The following RBFOX1 variants were observed in gnomAD, a reference collection of about 807,000 sequenced individuals.
RBFOX1 encodes the protein RNA binding protein fox-1 homolog 1.
In RBFOX1, 8 loss-of-function variants were observed where a neutral mutation model predicts 57.7. The ratio of observed to expected loss-of-function variants is 0.14; its 90% CI spans 0.08 to 0.25. The LOEUF (loss-of-function observed/expected upper bound fraction) is 0.25. Among genes scored for constraint, RBFOX1 ranks in the 10% least tolerant of loss-of-function variants. The pLI, the probability that RBFOX1 is intolerant of heterozygous loss-of-function variation, is 1.00. For missense variants in RBFOX1, 611 were observed against 548.5 expected, an observed-to-expected ratio of 1.11 and a Z score of -1.14; for synonymous variants, 326 against 222.4, an observed-to-expected ratio of 1.47 and a Z score of -4.15.
rs954735436 is a variant in RBFOX1 at position 7,064,138 on chromosome 16, C to T, written c.27+12040C>T. Among the ~76,000 whole-genome samples the T allele has an allele frequency of 2.0e-5, 3 of 149,870 alleles. No individual in the cohort carries two copies. In the South Asian group the frequency reaches 6.4e-4, roughly 32 times the overall value. On this transcript the variant is annotated intron_variant, in intron 4 of 15. Coordinates refer to ENST00000550418, the MANE Select transcript of RBFOX1 (RefSeq NM_018723.4). ...ATAAAATGAGTCCATAAGCGTGGGC[C>T]CTAATCCAGTATGACTGGTGTTCTT...
intron 3 of RBFOX1, among the ~76,000 whole-genome samples, chr16:7,040,867 G>C (rs1049674042): frequency 6.6e-6 from 1 of 152,032 alleles, no homozygotes; most frequent in Non-Finnish European, 1.5e-5. Flanking sequence ...ACAGCTCACT[G>C]CGTGATTCTG....
At chr16:7,688,303 G>C (rs1481044633) in intron 14 of RBFOX1, among the ~76,000 whole-genome samples, 1 of 150,096 alleles carries the variant, frequency 6.7e-6, no homozygotes, top group Non-Finnish European at 1.5e-5. Flanking sequence ...TCATAGCATT[G>C]GATACAAGAA....
At chr16:7,004,131 T>A (rs1337756683) in intron 3 of RBFOX1, 1 of 152,116 alleles carries the variant, frequency 6.6e-6, no homozygotes, top group Non-Finnish European at 1.5e-5. Context: ...AGTTTTGTTT[T>A]GTACTTAATA....
chr16:7,291,889 T>C (rs1267499220), intron 4 of RBFOX1, among the ~76,000 whole-genome samples: 2 of 83,198 alleles, frequency 2.4e-5, no homozygotes, highest in Non-Finnish European at 4.9e-5. Flanking sequence ...ATAAAATATA[T>C]AATGTACTAT....
chr16:5,990,200 CT>C (rs1463166712), intron 4 of RBFOX1, among the ~76,000 whole-genome samples: 10 of 152,192 alleles, frequency 6.6e-5, no homozygotes, highest in African/African-American at 2.4e-4. Context: ...GTGGCTCAGG[CT>C]GGTTTGGAAC....
chr16:7,654,097 G>T, intron 12 of RBFOX1, 150 bp downstream of exon 12: 1 of 769,650 alleles, frequency 1.3e-6, no homozygotes, highest in South Asian at 1.9e-5. Context: ...CGCACCTGCA[G>T]TGGAGCACCT....
chr16:7,314,557 T>G (rs2096395019), intron 4 of RBFOX1, among the ~76,000 whole-genome samples: 1 of 152,228 alleles, frequency 6.6e-6, no homozygotes, highest in South Asian at 2.1e-4. Context: ...GCGATCTGTC[T>G]TAGGTGTTTC....
chr16:7,204,516 T>G (rs1215590500), intron 4 of RBFOX1, among the ~76,000 whole-genome samples: 1 of 152,144 alleles, frequency 6.6e-6, no homozygotes, highest in Non-Finnish European at 1.5e-5. Flanking sequence ...CATGGTGATA[T>G]GCACCTGTAG....
chr16:6,962,731 G>A (rs1045636024), intron 3 of RBFOX1, among the ~76,000 whole-genome samples: 4 of 152,136 alleles, frequency 2.6e-5, no homozygotes, highest in African/African-American at 7.2e-5. Flanking sequence ...AGGAGCAGTA[G>A]CATGTGTGTG....
At chr16:7,559,396 A>G (rs1375403421) in intron 5 of RBFOX1, among the ~76,000 whole-genome samples, 2 of 152,120 alleles carry the variant, frequency 1.3e-5, no homozygotes, top group African/African-American at 4.8e-5. Context: ...CACATCTGAG[A>G]TCCATAAGGA....
chr16:6,159,695 T>C (rs7186032), intron 1 of RBFOX1, among the ~76,000 whole-genome samples: 9,224 of 152,298 alleles, frequency 0.061, 520 homozygotes, highest in African/African-American at 0.14. Context: ...GTACAGTGAA[T>C]GTGCTCTTAA....
intron 2 of RBFOX1, among the ~76,000 whole-genome samples, chr16:6,432,917 G>T (rs566460292): frequency 6.6e-6 from 1 of 152,182 alleles, no homozygotes; most frequent in Non-Finnish European, 1.5e-5. Context: ...GGTGGATGTT[G>T]CACTGAGCCG....
rs188072348 is a variant in RBFOX1, at chr16:5,781,990, G to C, written c.319-85313G>C. ...GGAGGCCGAGGTGGGCGGATTACTT[G>C]AGGTCAGGAGTTCAAGACCAGCCTG... is the stretch of plus-strand genomic sequence containing the variant. On this transcript the variant is annotated intron_variant, in intron 3 of 19. Coordinates refer to the RBFOX1 transcript ENST00000641259. 7.1e-3 allele frequency among the ~76,000 whole-genome samples: 1,083 copies of C among 152,330 alleles called. 15 individuals are homozygous for C. Among genetic ancestry groups the C allele is most frequent in the African/African-American group, 0.025 (1,022 of 41,556 alleles).
intron 3 of RBFOX1, among the ~76,000 whole-genome samples, chr16:5,767,158 CA>C (rs1310005261): frequency 6.6e-6 from 1 of 152,204 alleles, no homozygotes; most frequent in Non-Finnish European, 1.5e-5. Context: ...CAGTCCCAAT[CA>C]CAGGTTAAGG....
intron 5 of RBFOX1, among the ~76,000 whole-genome samples, chr16:7,577,930 T>G (rs2093461365): frequency 6.6e-6 from 1 of 152,172 alleles, no homozygotes; most frequent in Non-Finnish European, 1.5e-5. Flanking sequence ...ACAAAATGAT[T>G]CTATTTATGA....
At chr16:6,522,364 C>G (rs76340696) in intron 2 of RBFOX1, among the ~76,000 whole-genome samples, 4 of 152,126 alleles carry the variant, frequency 2.6e-5, no homozygotes, top group South Asian at 2.1e-4. Flanking sequence ...ACCACTTTCC[C>G]CTGTTGGATT....
chr16:7,340,704 T>C (rs2096875082), intron 4 of RBFOX1, among the ~76,000 whole-genome samples: 1 of 152,334 alleles, frequency 6.6e-6, no homozygotes, highest in Admixed American at 6.5e-5. Flanking sequence ...GCCTTCCAGT[T>C]ATTAACTTTG....
intron 4 of RBFOX1, among the ~76,000 whole-genome samples, chr16:5,916,132 C>G (rs1301138441): frequency 6.6e-6 from 1 of 152,064 alleles, no homozygotes; most frequent in East Asian, 1.9e-4. Flanking sequence ...CATTGGAGAG[C>G]CTGAAACAGG....
intron 2 of RBFOX1, among the ~76,000 whole-genome samples, chr16:5,553,165 G>A (rs1347299926): frequency 6.6e-6 from 1 of 152,038 alleles, no homozygotes; most frequent in Non-Finnish European, 1.5e-5. Context: ...ATAGCATTAG[G>A]ACAAATACCT....
Sources: gnomAD v4.1 joint callset for allele counts (sites outside exome capture counted in the v4.1 genomes callset) on GRCh38, gnomAD v4.1.1 for gene constraint, MANE v1.5 for transcripts, NCBI Gene and HGNC (gene_info 2026-07-23, HGNC 2026-07-21) for gene names.